The following CDC34 variants were observed in gnomAD, a reference collection of about 807,000 sequenced individuals.
CDC34 encodes ubiquitin-conjugating enzyme E2 R1.
Under a neutral mutation model 26.8 loss-of-function variants are expected in CDC34, and 18 were observed. That is an observed-to-expected ratio of 0.67 (90% CI 0.47 to 1.00). The LOEUF is 1.00. Among genes scored for constraint, CDC34 ranks in the 50% least tolerant of loss-of-function variants. CDC34 has a pLI of 0.00. For synonymous variants in CDC34, 178 were observed against 147.5 expected, an observed-to-expected ratio of 1.21 and a Z score of -1.50; for missense variants, 280 against 334.5, an observed-to-expected ratio of 0.84 and a Z score of 1.27.
intron 1 of CDC34, among the ~76,000 whole-genome samples, chr19:534,032 T>A (rs1979614092): frequency 6.6e-6 from 1 of 152,216 alleles, no homozygotes; most frequent in South Asian, 2.1e-4. Flanking sequence ...GCGCTTTCCT[T>A]TTCTGAGCCT....
At chr19:536,537 G>A (rs1162255355) in intron 3 of CDC34, 197 bp downstream of exon 3, 2 of 590,554 alleles carry the variant, frequency 3.4e-6, no homozygotes, top group African/African-American at 1.9e-5. Flanking sequence ...CTGCGGCACC[G>A]TGTGTCGGTG....
Position 532,265 on chromosome 19 carries a change from C to G in CDC34, c.177+157C>G, listed in dbSNP as rs914456473. On this transcript the variant is annotated intron_variant, in intron 1 of 4. Coordinates refer to ENST00000215574, the MANE Select transcript of CDC34 (RefSeq NM_004359.2). ...CCCTTCTATGGCCACGTTCCCCCAC[C>G]CAGCTCTGCCCGGCCCCCTCCTCGG... 8.6e-5 allele frequency among the ~76,000 whole-genome samples: 13 copies of G among 152,040 alleles called. No individual in the cohort carries two copies. The South Asian group carries it at 1.2e-3, about 15-fold the overall frequency.
rs4541184 is a variant in CDC34 at position 536,068 on chromosome 19, G to A, written c.264+145G>A. On this transcript the variant is annotated intron_variant, in intron 2 of 4. Coordinates refer to ENST00000215574, the MANE Select transcript of CDC34 (RefSeq NM_004359.2). Reference sequence around the variant, plus strand: ...GGACCCGGGGCGCTGGGAGCCTCACGTCCTCGTCCTTCCGGGACCCGAGGC... The same window carrying A: ...GGACCCGGGGCGCTGGGAGCCTCACATCCTCGTCCTTCCGGGACCCGAGGC... The A allele has an allele frequency of 1.4e-3, 441 of 312,822 alleles. 1 individual carries two copies. The highest frequency in any genetic ancestry group is 9.7e-3 in the East Asian group (69 of 7,130). 19.4% of individuals were successfully genotyped at this position (312,822 alleles called of 1,614,324 possible).
chr19:536,619 C>T (rs527418144), intron 3 of CDC34: 3 of 556,974 alleles, frequency 5.4e-6, no homozygotes, highest in African/African-American at 1.9e-5. Flanking sequence ...CATCCTCAGT[C>T]CTGGGGCCTT....
chr19:535,878 A>G lies in CDC34; in HGVS notation c.219A>G (p.Pro73=), dbSNP rs1979714277. The G allele has an allele frequency of 6.2e-6, 10 of 1,613,916 alleles. No homozygotes were observed. The highest frequency in any genetic ancestry group is 8.5e-6 in the Non-Finnish European group (10 of 1,179,978). The change falls in exon 2 of 5, where the codon CCA becomes CCG. Residue 73 remains proline, a synonymous_variant. Coordinates refer to ENST00000215574, the MANE Select transcript of CDC34 (RefSeq NM_004359.2). ...CCATCGACTACCCATACTCTCCACC[A>G]GCCTTTCGGTTCCTGACCAAGATGT... ...KFPIDYPYSP[P]AFRFLTKMWH...
Position 541,898 on chromosome 19 carries a change from C to T in CDC34, c.*346C>T, listed in dbSNP as rs559938686. 7.2e-4 allele frequency: 131 copies of T among 181,998 alleles called. No individual in the cohort carries two copies. The highest frequency in any genetic ancestry group is 2.7e-3 in the African/African-American group (113 of 42,610). The allele number at this position is 181,998 out of a possible 1,614,324, so 11.3% of individuals were successfully genotyped here. On this transcript the variant is annotated 3_prime_UTR_variant, in exon 5 of 5. Coordinates refer to ENST00000215574, the MANE Select transcript of CDC34 (RefSeq NM_004359.2). Reference sequence around the variant, plus strand: ...GGAGCCACGGGGGCGCTGCTGGGAACGTGGGCGGGGGGCCGTTTCCTGACA... The same window carrying T: ...GGAGCCACGGGGGCGCTGCTGGGAATGTGGGCGGGGGGCCGTTTCCTGACA...
At chr19:538,067 G>A (rs1284083370) in intron 4 of CDC34, among the ~76,000 whole-genome samples, 1 of 150,996 alleles carries the variant, frequency 6.6e-6, no homozygotes, top group Admixed American at 6.6e-5. Flanking sequence ...GACTGTTAGG[G>A]AACATGTGTC....
In CDC34 at chr19:536,985, G is replaced by T. The variant is rs374799441; in HGVS notation, c.363-28G>T. On this transcript the variant is annotated intron_variant, in intron 3 of 4. Transcript: ENST00000215574. ...CCGGAAGGCTGGGGTGCCCCGGGCCGCCCCACTCCGACCCACTCTCCCCAC... is the reference window on the plus strand; with the variant it reads ...CCGGAAGGCTGGGGTGCCCCGGGCCTCCCCACTCCGACCCACTCTCCCCAC... The T allele has an allele frequency of 5.0e-6, 8 of 1,612,706 alleles. No homozygotes were observed. In the Admixed American group the frequency reaches 1.3e-4, roughly 27 times the overall value.
Position 531,907 on chromosome 19 carries a change from G to T in CDC34, c.-25G>T, listed in dbSNP as rs1212410126. 4.3e-6 allele frequency: 6 copies of T among 1,381,006 alleles called. No homozygotes were observed. Among genetic ancestry groups the T allele is most frequent in the Non-Finnish European group, 5.6e-6 (6 of 1,072,022 alleles). 85.5% of individuals were successfully genotyped at this position (1,381,006 alleles called of 1,614,324 possible). A position where few individuals can be genotyped will look rare whatever the true frequency, so the allele number is the denominator to read the frequency against. Reference sequence around the variant, plus strand: ...TGGTCGCGCGGCCCCGCGCTGCTCCGACCCCGGGCCCCTCCGCCGCCGCCA... The same window carrying T: ...TGGTCGCGCGGCCCCGCGCTGCTCCTACCCCGGGCCCCTCCGCCGCCGCCA... On this transcript the variant is annotated 5_prime_UTR_variant, in exon 1 of 5. Transcript: ENST00000215574.
intron 1 of CDC34, among the ~76,000 whole-genome samples, chr19:533,350 A>T (rs149323266): frequency 6.6e-6 from 1 of 152,150 alleles, no homozygotes; most frequent in Admixed American, 6.5e-5. Context: ...CCCGCACGAT[A>T]TGTGTCTGCT....
At chr19:537,510 G>T (rs1242574778) in intron 4 of CDC34, among the ~76,000 whole-genome samples, 1 of 152,022 alleles carries the variant, frequency 6.6e-6, no homozygotes, top group Admixed American at 6.6e-5. Context: ...CCGTCACCAC[G>T]CCCGGCTAAT....
rs2145843640 is a variant in CDC34 at position 531,867 on chromosome 19, C to T, written c.-65C>T. ...CCGGACGGTGCGCGGCCCGGCCCGT[C>T]TCGCGAACTCGCGGTGGTCGCGCGG... On this transcript the variant is annotated 5_prime_UTR_variant, in exon 1 of 5. Coordinates refer to ENST00000215574, the MANE Select transcript of CDC34 (RefSeq NM_004359.2). The T allele has an allele frequency of 9.1e-7, 1 of 1,103,406 alleles. No homozygotes were observed. The highest frequency in any genetic ancestry group is 3.7e-5 in the East Asian group (1 of 26,792). 68.4% of individuals were successfully genotyped at this position (1,103,406 alleles called of 1,614,324 possible).
At chr19:536,688 C>T (rs1056610670) in intron 3 of CDC34, 16 of 525,156 alleles carry the variant, frequency 3.0e-5, no homozygotes, top group Admixed American at 1.3e-4. Context: ...GCCTGGGCCT[C>T]GTCCCCAGGT....
At position 536,482 on chromosome 19, in the gene CDC34, G is replaced by A; in HGVS notation, c.362+142G>A. 9.2e-6 allele frequency: 6 copies of A among 650,834 alleles called. No homozygotes were observed. In the South Asian group the frequency reaches 1.1e-4, roughly 12 times the overall value. 40.3% of individuals were successfully genotyped at this position (650,834 alleles called of 1,614,324 possible). A position where few individuals can be genotyped will look rare whatever the true frequency, so the allele number is the denominator to read the frequency against. ...CTGATTCGGGACCTGCCAGCTGGCG[G>A]TCCTGGGCCTCGCTGTACCTGCACG... is the stretch of plus-strand genomic sequence containing the variant. On this transcript the variant is annotated intron_variant, in intron 3 of 4. Coordinates refer to ENST00000215574, the MANE Select transcript of CDC34 (RefSeq NM_004359.2).
intron 4 of CDC34, among the ~76,000 whole-genome samples, chr19:539,270 G>A (rs1471357869): frequency 6.6e-6 from 1 of 152,034 alleles, no homozygotes; most frequent in Non-Finnish European, 1.5e-5. Context: ...CCACGGTGCA[G>A]GTCAGTTCCC....
At chr19:536,971 G>A in intron 3 of CDC34, 42 bp from the exon 4 acceptor site, 1 of 1,612,024 alleles carries the variant, frequency 6.2e-7, no homozygotes, top group Non-Finnish European at 8.5e-7. Flanking sequence ...CGGAAGGCTG[G>A]GGTGCCCCGG....
Position 541,568 on chromosome 19 carries a change from C to T in CDC34, c.*16C>T, listed in dbSNP as rs778649386. The T allele has an allele frequency of 6.4e-7, 1 of 1,553,024 alleles. No homozygotes were observed. The highest frequency in any genetic ancestry group is 1.7e-4 in the Middle Eastern group (1 of 5,776). On this transcript the variant is annotated 3_prime_UTR_variant, in exon 5 of 5. Transcript: ENST00000215574. ...GGAGTCCTGACACCACCAGAATAAACTTGCCGAGTTTACCTCACTAGGGCC... is the reference window on the plus strand; with the variant it reads ...GGAGTCCTGACACCACCAGAATAAATTTGCCGAGTTTACCTCACTAGGGCC...
At chr19:536,219 C>G (rs747065062) in intron 2 of CDC34, 24 bp from the exon 3 acceptor site, 1 of 1,582,330 alleles carries the variant, frequency 6.3e-7, no homozygotes, top group African/African-American at 1.3e-5. Flanking sequence ...CTGACCTGTT[C>G]TGACCTGTCT....
intron 4 of CDC34, among the ~76,000 whole-genome samples, chr19:537,358 T>C (rs933536873): frequency 1.1e-4 from 17 of 151,002 alleles, no homozygotes; most frequent in Non-Finnish European, 7.4e-5. Flanking sequence ...CCTTTTCCTC[T>C]TTTTTTTTGT....
Sources: gnomAD v4.1 joint callset for allele counts (sites outside exome capture counted in the v4.1 genomes callset) on GRCh38, gnomAD v4.1.1 for gene constraint, MANE v1.5 for transcripts, NCBI Gene and HGNC (gene_info 2026-07-23, HGNC 2026-07-21) for gene names.